The following CA10 variants were observed in gnomAD, a reference collection of about 807,000 sequenced individuals.
CA10 encodes the protein carbonic anhydrase 10 (inactive).
CA10 carries 14 observed loss-of-function variants against 44.2 expected under a neutral mutation model. The ratio of observed to expected loss-of-function variants is 0.32; its 90% CI spans 0.21 to 0.50. CA10 has a LOEUF of 0.50. Among genes scored for constraint, CA10 ranks in the 20% least tolerant of loss-of-function variants. The probability of loss-of-function intolerance (pLI) is 0.99; values close to 1 mark genes in which losing one functional copy is unlikely to be tolerated. For missense variants in CA10, 350 were observed against 409.7 expected (o/e 0.85, Z 1.26); for synonymous variants, 159 against 141.6 (o/e 1.12, Z -0.87).
chr17:52,124,671 G>A (rs1294632502), intron 1 of CA10, among the ~76,000 whole-genome samples: 1 of 152,124 alleles, frequency 6.6e-6, no homozygotes, highest in Non-Finnish European at 1.5e-5. Context: ...TGCTAACCTG[G>A]CAGGATCCCT....
intron 4 of CA10, among the ~76,000 whole-genome samples, chr17:51,710,131 C>T (rs561506116): frequency 2.0e-5 from 3 of 152,262 alleles, no homozygotes; most frequent in Non-Finnish European, 2.9e-5. Context: ...TGAGTCAGCA[C>T]TGAAGAACTG....
chr17:51,732,408 T>C (rs1288970810), intron 4 of CA10, among the ~76,000 whole-genome samples: 2 of 152,360 alleles, frequency 1.3e-5, no homozygotes, highest in East Asian at 3.9e-4. Context: ...ATTTCAGTTA[T>C]GTTCATGCTT....
intron 2 of CA10, among the ~76,000 whole-genome samples, chr17:51,954,492 T>A (rs866480892): frequency 2.0e-5 from 3 of 152,120 alleles, no homozygotes; most frequent in Non-Finnish European, 4.4e-5. Context: ...AGCTTAGGAT[T>A]TGAATGGGCT....
chr17:52,043,393 A>G (rs1161223464), intron 2 of CA10, among the ~76,000 whole-genome samples: 1 of 151,922 alleles, frequency 6.6e-6, no homozygotes, highest in Non-Finnish European at 1.5e-5. Context: ...ATGTACAGAA[A>G]CAAAATTTTT....
At chr17:51,863,573 C>T (rs1501262) in intron 3 of CA10, among the ~76,000 whole-genome samples, 24 of 152,222 alleles carry the variant, frequency 1.6e-4, no homozygotes, top group African/African-American at 5.5e-4. Flanking sequence ...CCACAAACTC[C>T]TCTCACTTAA....
In CA10 at chr17:51,983,671, G is replaced by C. The variant is rs180674221; in HGVS notation, c.137-52539C>G. Among the ~76,000 whole-genome samples the C allele has an allele frequency of 1.2e-3, 179 of 151,748 alleles. 4 individuals carry two copies. In the South Asian group the frequency reaches 0.022, roughly 18 times the overall value. ...AAAGCAAAACAAAATAAGACACCAT[G>C]TCTGGCTGTATATCAAGCATAAAAA... On this transcript the variant is annotated intron_variant, in intron 2 of 8. Transcript: ENST00000451037.
chr17:51,846,798 T>G (rs926928124), intron 3 of CA10, among the ~76,000 whole-genome samples: 5 of 152,242 alleles, frequency 3.3e-5, no homozygotes, highest in Non-Finnish European at 7.3e-5. Context: ...GTGTCTGTGC[T>G]GGGTAGATAT....
chr17:52,077,271 A>G (rs1987840963), intron 1 of CA10, among the ~76,000 whole-genome samples: 1 of 152,216 alleles, frequency 6.6e-6, no homozygotes, highest in African/African-American at 2.4e-5. Flanking sequence ...GTGTTTTGCA[A>G]CTTTCTGGAT....
intron 4 of CA10, among the ~76,000 whole-genome samples, chr17:51,683,986 A>G (rs887655724): frequency 3.9e-5 from 6 of 152,232 alleles, no homozygotes; most frequent in African/African-American, 1.2e-4. Flanking sequence ...TTCATGTTCT[A>G]ATCCCCAGAA....
intron 3 of CA10, among the ~76,000 whole-genome samples, chr17:51,878,598 T>C (rs1270969169): frequency 6.6e-6 from 1 of 151,812 alleles, no homozygotes; most frequent in African/African-American, 2.4e-5. Context: ...ATCTGCAAAT[T>C]GTGTGAGTTG....
At chr17:51,962,186 G>T (rs550610618) in intron 2 of CA10, among the ~76,000 whole-genome samples, 54 of 152,342 alleles carry the variant, frequency 3.5e-4, no homozygotes, top group African/African-American at 1.2e-3. Context: ...TACACTCTAT[G>T]ATGAGGCAGA....
At chr17:51,828,640 T>C (rs16950591) in intron 3 of CA10, among the ~76,000 whole-genome samples, 24,710 of 152,072 alleles carry the variant, frequency 0.16, 2,172 homozygotes, top group South Asian at 0.37. Context: ...AATTCCACCA[T>C]TGAAACAAAT....
rs565727506 is a variant in CA10 at position 51,990,528 on chromosome 17, A to C, written c.137-59396T>G. On this transcript the variant is annotated intron_variant, in intron 2 of 8. Transcript: ENST00000451037. Reference sequence around the variant, plus strand: ...ATGCCCATAAAGGAAGTAGGAGAGGAGACAGTACAAAACTGAGATAATTCT... The same window carrying C: ...ATGCCCATAAAGGAAGTAGGAGAGGCGACAGTACAAAACTGAGATAATTCT... Among the ~76,000 whole-genome samples the C allele has an allele frequency of 7.2e-5, 11 of 152,234 alleles. No homozygotes were observed. The East Asian group carries it at 1.9e-3, about 27-fold the overall frequency.
chr17:51,782,032 G>A (rs1258401829), intron 3 of CA10, among the ~76,000 whole-genome samples: 1 of 152,138 alleles, frequency 6.6e-6, no homozygotes, highest in Non-Finnish European at 1.5e-5. Context: ...GTCTTCCGAT[G>A]TTCTAATTCA....
intron 4 of CA10, among the ~76,000 whole-genome samples, chr17:51,732,580 G>A (rs186492313): frequency 5.3e-4 from 80 of 152,236 alleles, no homozygotes; most frequent in South Asian, 3.9e-3. Context: ...CTGCATAACC[G>A]ACAGTGTCTG....
At chr17:51,755,385 T>C (rs1317824849) in intron 3 of CA10, among the ~76,000 whole-genome samples, 3 of 152,232 alleles carry the variant, frequency 2.0e-5, no homozygotes, top group Non-Finnish European at 4.4e-5. Flanking sequence ...GGATGTTTAC[T>C]GCAGAAAGCT....
rs1030860635 is a variant in CA10, at chr17:51,727,906, A to C, written c.465+19727T>G. 1.8e-4 allele frequency among the ~76,000 whole-genome samples: 28 copies of C among 152,032 alleles called. 1 individual carries two copies. Among genetic ancestry groups the C allele is most frequent in the Admixed American group, 1.8e-3 (28 of 15,268 alleles). ...TTAAAGACTTAAAAAAATTTTTTTA[A>C]GGACGGGGTCTCACTGTCACCTATG... On this transcript the variant is annotated intron_variant, in intron 4 of 8. Transcript: ENST00000451037.
chr17:51,903,384 G>A (rs1257543126), intron 3 of CA10, among the ~76,000 whole-genome samples: 3 of 152,026 alleles, frequency 2.0e-5, no homozygotes, highest in Non-Finnish European at 4.4e-5. Flanking sequence ...CCACACTGCC[G>A]CTTCCTTTTC....
chr17:51,724,684 A>G (rs549470430), intron 4 of CA10, among the ~76,000 whole-genome samples: 1 of 152,316 alleles, frequency 6.6e-6, no homozygotes, highest in East Asian at 1.9e-4. Flanking sequence ...TCTGCTCTCT[A>G]AAGAGATGAA....
Sources: allele counts gnomAD v4.1 joint callset (sites outside exome capture counted in the v4.1 genomes callset), GRCh38; gene constraint gnomAD v4.1.1; transcripts MANE v1.5; gene names NCBI Gene and HGNC (gene_info 2026-07-23, HGNC 2026-07-21).